Variants in PPFIA4 observed in about 807,000 individuals in gnomAD.
The protein encoded by PPFIA4 is PPFI scaffold protein A4.
A neutral mutation model predicts 145.7 loss-of-function variants in PPFIA4; 98 were observed. That is an observed-to-expected ratio of 0.67 (90% CI 0.57 to 0.80). The LOEUF (loss-of-function observed/expected upper bound fraction) is 0.80, where lower values mean the gene tolerates loss of function less well. Among genes scored for constraint, PPFIA4 ranks in the 30% least tolerant of loss-of-function variants. The pLI is 0.00. For missense variants in PPFIA4, 1,457 were observed against 1,632.7 expected, an observed-to-expected ratio of 0.89 and a Z score of 1.85; for synonymous variants, 628 against 649.6, an observed-to-expected ratio of 0.97 and a Z score of 0.51.
intron 27 of PPFIA4, 71 bp from the exon 28 acceptor site, chr1:203,071,621 G>A: frequency 7.9e-7 from 1 of 1,262,976 alleles, no homozygotes; most frequent in South Asian, 1.3e-5. Context: ...TTGGAAAATG[G>A]TGAAAGATGG....
At position 203,045,314 on chromosome 1, in the gene PPFIA4, G is replaced by C. The variant is rs559468425; in HGVS notation, c.667-54G>C. 9.0e-6 allele frequency: 13 copies of C among 1,451,936 alleles called. No homozygotes were observed. In the African/African-American group the frequency reaches 9.9e-5, roughly 11 times the overall value. 89.9% of individuals were successfully genotyped at this position (1,451,936 alleles called of 1,614,324 possible). A position where few individuals can be genotyped will look rare whatever the true frequency, so the allele number is the denominator to read the frequency against. Reference sequence around the variant, plus strand: ...CCTTCCACCCCTGGGATAGGGGAGTGGGGTGGGTGGGATGCTGCTGTGACT... The same window carrying C: ...CCTTCCACCCCTGGGATAGGGGAGTCGGGTGGGTGGGATGCTGCTGTGACT... On this transcript the variant is annotated intron_variant, in intron 6 of 29. Coordinates refer to ENST00000295706, the MANE Select transcript of PPFIA4 (RefSeq NM_001304331.2).
chr1:203,059,606 G>C (rs540913470), intron 20 of PPFIA4, among the ~76,000 whole-genome samples, 164 bp from the exon 21 acceptor site: 4 of 152,280 alleles, frequency 2.6e-5, no homozygotes, highest in South Asian at 4.1e-4. Context: ...CCCATTTCTT[G>C]TTGTATTTCT....
In PPFIA4 at chr1:203,032,973, C is replaced by T. The variant is rs557093634; in HGVS notation, c.-399-5637C>T. The stretch of plus-strand genomic sequence containing the variant: ...CCCATGTCTAACTCCTGGGGAGCAG[C>T]TGGAGAGCTGGGCTTCACAGACTCA... On this transcript the variant is annotated intron_variant, in intron 1 of 29. Transcript: ENST00000295706. 2.6e-5 allele frequency among the ~76,000 whole-genome samples: 4 copies of T among 152,318 alleles called. No individual in the cohort carries two copies. The South Asian group carries it at 8.3e-4, about 32-fold the overall frequency.
rs1183279633 is a variant in PPFIA4, at chr1:203,068,513, A to G, written c.3209A>G (p.Asp1070Gly). The G allele has an allele frequency of 6.2e-7, 1 of 1,609,086 alleles. No individual in the cohort carries two copies. The highest frequency in any genetic ancestry group is 8.5e-7 in the Non-Finnish European group (1 of 1,177,876). Reference sequence around the variant, plus strand: ...TGGGTCCAGTCTATTGGGCTCCGGGACTACGCAGGAAACCTGCATGAGAGT... The same window carrying G: ...TGGGTCCAGTCTATTGGGCTCCGGGGCTACGCAGGAAACCTGCATGAGAGT... ...VHWVQSIGLR[D>G]YAGNLHESGV... The change falls in exon 27 of 30, where the codon GAC (aspartate) becomes GGC (glycine). Residue 1070 changes from aspartate (D) to glycine (G), a missense_variant. Physicochemically the swap from Asp to Gly is moderately conservative, Grantham distance 94. Transcript: ENST00000295706. The surrounding 1 kb of genome is among the most constrained non-coding windows in gnomAD (Gnocchi z 4.7).
In PPFIA4 at chr1:203,043,982, C is replaced by G. The variant is rs763046705; in HGVS notation, c.388C>G (p.Arg130Gly). ...CLVSRHERSL[R>G]MTVVKRQAQS... ...GGTGTCCCGCCATGAACGGTCACTG[C>G]GGATGACTGTGGTGAAGCGCCAGGC... The change falls in exon 4 of 30, where the codon CGG (arginine) becomes GGG (glycine). Residue 130 changes from arginine (R) to glycine (G), a missense_variant. Coordinates refer to ENST00000295706, the MANE Select transcript of PPFIA4 (RefSeq NM_001304331.2). The surrounding 1 kb of genome is among the most constrained non-coding windows in gnomAD (Gnocchi z 4.4). 1 of 1,612,134 alleles carries G rather than the reference C, an allele frequency of 6.2e-7. No homozygotes were observed. The highest frequency in any genetic ancestry group is 1.1e-5 in the South Asian group (1 of 90,998).
chr1:203,062,470 ACTCCGT>A (rs1661442306), intron 24 of PPFIA4, among the ~76,000 whole-genome samples: 2 of 121,378 alleles, frequency 1.6e-5, no homozygotes, highest in Non-Finnish European at 3.3e-5. Context: ...ACAGAGCAAG[ACTCCGT>A]CTCAAAAAAA....
At chr1:203,069,452 A>G (rs960919022) in intron 27 of PPFIA4, among the ~76,000 whole-genome samples, 4 of 152,144 alleles carry the variant, frequency 2.6e-5, no homozygotes, top group African/African-American at 9.7e-5. Context: ...CTCTGATTGT[A>G]TTGCCTCTGG....
Position 203,045,554 on chromosome 1 carries a change from C to T in PPFIA4, c.853C>T (p.Arg285Trp), listed in dbSNP as rs766213582. 108 of 1,585,288 alleles carry T rather than the reference C, an allele frequency of 6.8e-5. 1 individual carries two copies. Among genetic ancestry groups the T allele is most frequent in the South Asian group, 1.0e-4 (9 of 86,686 alleles). Residue 285 changes from arginine to tryptophan, a missense_variant, in exon 7 of 30, where the codon CGG becomes TGG. Around this residue, in one of 3 missense-constraint regions of PPFIA4, gnomAD observed 463 missense variants for 459.8 expected, o/e 1.01. Transcript: ENST00000295706. Reference protein sequence around the residue: ...ELSSKHQRDLREALAQKEDME... With the variant: ...ELSSKHQRDLWEALAQKEDME... Reference sequence around the variant, plus strand: ...GAGCAGCAAGCATCAGCGGGACCTCCGGGAGGTGCGTGAGGGCGCAGGCCT... The same window carrying T: ...GAGCAGCAAGCATCAGCGGGACCTCTGGGAGGTGCGTGAGGGCGCAGGCCT...
rs111721656 is a variant in PPFIA4 at position 203,045,967 on chromosome 1, A to C, written c.985A>C (p.Lys329Gln). 7.3e-4 allele frequency: 1,176 copies of C among 1,612,676 alleles called. 7 individuals carry two copies. The African/African-American group carries it at 0.014, about 19-fold the overall frequency. The stretch of plus-strand genomic sequence containing the variant: ...CAAGCTGGAGAATGAGCTGGCCAAC[A>C]AGGAGTCCCTGCACCGCCAGGTACC... ...NDKLENELAN[K>Q]ESLHRQCEEK... Residue 329 changes from lysine to glutamine, a missense_variant, in exon 8 of 30, where the codon AAG (lysine) becomes CAG (glutamine). Lys to Gln is a moderately conservative substitution (Grantham distance 53). This residue lies in a region of PPFIA4 where 463 missense variants were observed against 459.8 expected (regional missense o/e 1.01). Coordinates refer to ENST00000295706, the MANE Select transcript of PPFIA4 (RefSeq NM_001304331.2).
chr1:203,068,343 G>C lies in PPFIA4; in HGVS notation c.3149-110G>C. On this transcript the variant is annotated intron_variant, in intron 26 of 29. Transcript: ENST00000295706. The surrounding 1 kb of genome is among the most constrained non-coding windows in gnomAD (Gnocchi z 4.7). Reference sequence around the variant, plus strand: ...ATTTAGGGATGGAGTGGGGGTCAGAGAGCAGGGTGGACTGCGGCTCTGGGT... The same window carrying C: ...ATTTAGGGATGGAGTGGGGGTCAGACAGCAGGGTGGACTGCGGCTCTGGGT... 1 of 939,828 alleles carries C rather than the reference G, an allele frequency of 1.1e-6. No individual in the cohort carries two copies. The highest frequency in any genetic ancestry group is 1.5e-6 in the Non-Finnish European group (1 of 658,510). 58.2% of individuals were successfully genotyped at this position (939,828 alleles called of 1,614,324 possible). A position where few individuals can be genotyped will look rare whatever the true frequency, so the allele number is the denominator to read the frequency against.
rs751614328 is a variant in PPFIA4, at chr1:203,045,496, G to T, written c.795G>T (p.Thr265=). Residue 265 remains threonine (T), a synonymous_variant, in exon 7 of 30, where the codon ACG becomes ACT. Transcript: ENST00000295706. The part of the protein sequence containing the change: ...TVTELEEDLG[T]ARRDLIKSEE... ...CTGAACTCGAGGAGGACCTGGGCACGGCCCGCCGGGACCTCATCAAGTCGG... is the reference window on the plus strand; with the variant it reads ...CTGAACTCGAGGAGGACCTGGGCACTGCCCGCCGGGACCTCATCAAGTCGG... The T allele has an allele frequency of 6.2e-7, 1 of 1,607,458 alleles. No homozygotes were observed. Among genetic ancestry groups the T allele is most frequent in the African/African-American group, 1.3e-5 (1 of 74,974 alleles).
intron 14 of PPFIA4, 75 bp downstream of exon 14, chr1:203,051,952 G>C (rs1176243268): frequency 6.6e-7 from 1 of 1,509,686 alleles, no homozygotes; most frequent in African/African-American, 1.4e-5. Flanking sequence ...TTACGCAGAC[G>C]GCTGGTGTGT....
rs1283279103 is a variant in PPFIA4, at chr1:203,048,819, G to A, written c.1357-99G>A. ...AGGCGGGGTCTCAATGGGGTGGGTG[G>A]CCAGCCTGGAGAGGTGGGGCTGAGA... On this transcript the variant is annotated intron_variant, in intron 11 of 29. Coordinates refer to ENST00000295706, the MANE Select transcript of PPFIA4 (RefSeq NM_001304331.2). This position sits in a 1 kb window ranked among gnomAD's most constrained non-coding sequence, Gnocchi z 5.8. 1.3e-6 allele frequency: 2 copies of A among 1,529,784 alleles called. No individual in the cohort carries two copies. Among genetic ancestry groups the A allele is most frequent in the African/African-American group, 1.4e-5 (1 of 72,936 alleles). The allele number at this position is 1,529,784 out of a possible 1,614,324, so 94.8% of individuals were successfully genotyped here. A position where few individuals can be genotyped will look rare whatever the true frequency, so the allele number is the denominator to read the frequency against.
At chr1:203,064,822 C>T (rs1034493684) in intron 25 of PPFIA4, among the ~76,000 whole-genome samples, 2 of 152,232 alleles carry the variant, frequency 1.3e-5, no homozygotes, top group African/African-American at 4.8e-5. Context: ...GCCTGCTTCT[C>T]TCACTTGTGT....
intron 9 of PPFIA4, among the ~76,000 whole-genome samples, chr1:203,047,312 T>C (rs1660155911): frequency 6.6e-6 from 1 of 152,022 alleles, no homozygotes; most frequent in Non-Finnish European, 1.5e-5. Context: ...TATCACTATG[T>C]TGGAGTTAGA....
chr1:203,042,112 AG>A (rs1307888473), intron 2 of PPFIA4, among the ~76,000 whole-genome samples: 1 of 152,046 alleles, frequency 6.6e-6, no homozygotes, highest in East Asian at 1.9e-4. Flanking sequence ...TGTGTGAGGG[AG>A]GCTGCAGGTT....
At chr1:203,066,927 A>G (rs1427738378) in intron 25 of PPFIA4, among the ~76,000 whole-genome samples, 2 of 152,234 alleles carry the variant, frequency 1.3e-5, no homozygotes, top group Non-Finnish European at 2.9e-5. Context: ...ATGGTATGTT[A>G]ATAGACAAAA....
At chr1:203,042,739 T>G (rs1659788233) in intron 2 of PPFIA4, among the ~76,000 whole-genome samples, 1 of 152,062 alleles carries the variant, frequency 6.6e-6, no homozygotes, top group Admixed American at 6.6e-5. Context: ...CGGGTTCAAG[T>G]GATTCTCCTG....
At chr1:203,030,118 G>C (rs575651958) in intron 1 of PPFIA4, among the ~76,000 whole-genome samples, 2 of 152,204 alleles carry the variant, frequency 1.3e-5, no homozygotes, top group Non-Finnish European at 2.9e-5. Flanking sequence ...TTAAGAAAAA[G>C]CTTCCTTAGA....
Sources: allele counts gnomAD v4.1 joint callset (sites outside exome capture counted in the v4.1 genomes callset), GRCh38; gene constraint gnomAD v4.1.1; regional missense constraint gnomAD v4.1.1; non-coding constraint Gnocchi (gnomAD v3.1); transcripts MANE v1.5; gene names NCBI Gene and HGNC (gene_info 2026-07-23, HGNC 2026-07-21).